The following EXT2 variants were observed in gnomAD, a reference collection of about 807,000 sequenced individuals.
The protein encoded by EXT2 is exostosin glycosyltransferase 2.
Under a neutral mutation model 81.6 loss-of-function variants are expected in EXT2, and 53 were observed. The observed-to-expected ratio is 0.65, with a 90% CI of 0.52 to 0.82. The LOEUF is 0.82. Ranked by LOEUF, EXT2 falls within the 40% of genes least tolerant of loss-of-function variation. EXT2 has a pLI of 0.00. For synonymous variants in EXT2, 320 were observed against 340.0 expected (o/e 0.94, Z 0.65); for missense variants, 774 against 910.2 (o/e 0.85, Z 1.93).
chr11:44,185,476 A>G (rs377406206), intron 8 of EXT2, among the ~76,000 whole-genome samples: 21 of 152,288 alleles, frequency 1.4e-4, no homozygotes, highest in African/African-American at 5.1e-4. Flanking sequence ...ACTCTGGTCC[A>G]TTCTTGTTTC....
At chr11:44,234,646 A>G (rs1955940521) in intron 12 of EXT2, among the ~76,000 whole-genome samples, 4 of 151,804 alleles carry the variant, frequency 2.6e-5, no homozygotes. Context: ...TCATACAGTT[A>G]TGTAACTGTA....
intron 8 of EXT2, among the ~76,000 whole-genome samples, chr11:44,185,360 T>C (rs1486979651): frequency 6.6e-6 from 1 of 152,244 alleles, no homozygotes; most frequent in Non-Finnish European, 1.5e-5. Context: ...CAGCTGTATA[T>C]TTAAAATAAT....
At chr11:44,115,512 G>C (rs996131416) in intron 4 of EXT2, among the ~76,000 whole-genome samples, 2 of 152,144 alleles carry the variant, frequency 1.3e-5, no homozygotes, top group African/African-American at 2.4e-5. Flanking sequence ...ATTTCCTGGT[G>C]AGAATCTCAG....
chr11:44,204,860 A>T (rs1955563947), intron 9 of EXT2, among the ~76,000 whole-genome samples: 1 of 151,992 alleles, frequency 6.6e-6, no homozygotes, highest in Non-Finnish European at 1.5e-5. Context: ...AAGTTTGAGG[A>T]TGACTGTTAT....
At chr11:44,139,736 T>A (rs2135054694) in intron 7 of EXT2, among the ~76,000 whole-genome samples, 1 of 152,260 alleles carries the variant, frequency 6.6e-6, no homozygotes, top group East Asian at 1.9e-4. Context: ...TAATGCCACG[T>A]TAAAACAGTG....
chr11:44,236,190 A>G (rs1197002450), intron 12 of EXT2, 103 bp from the exon 13 acceptor site: 4 of 1,009,428 alleles, frequency 4.0e-6, no homozygotes, highest in Non-Finnish European at 6.3e-6. Context: ...CGCGCATGCA[A>G]CATCTCAGCT....
chr11:44,096,063 G>C (rs1295631213), intron 1 of EXT2: 4 of 664,362 alleles, frequency 6.0e-6, no homozygotes, highest in Non-Finnish European at 1.1e-5. Context: ...TTCCACTCCT[G>C]CTTCTCCTTC....
chr11:44,236,216 T>C lies in EXT2; in HGVS notation c.1936-77T>C, dbSNP rs1955962860. 4 of 1,244,956 alleles carry C rather than the reference T, an allele frequency of 3.2e-6. No homozygotes were observed. The African/African-American group carries it at 4.4e-5, about 14-fold the overall frequency. The allele number at this position is 1,244,956 out of a possible 1,614,324, so 77.1% of individuals were successfully genotyped here. On this transcript the variant is annotated intron_variant, in intron 12 of 13. Coordinates refer to ENST00000533608, the MANE Select transcript of EXT2 (RefSeq NM_207122.2). Reference sequence around the variant, plus strand: ...CATCTCAGCTTACAACACAAAAGAATGCAGTGTGGTGTCACAAGCATGATT... The same window carrying C: ...CATCTCAGCTTACAACACAAAAGAACGCAGTGTGGTGTCACAAGCATGATT...
rs1488133814 is a variant in EXT2 at position 44,240,305 on chromosome 11, G to A, written c.2019-3844G>A. ...GAGGCAACCACTGGAAAAGCCAGGA[G>A]AGAACCAGGATATACAGTGCTCAGA... On this transcript the variant is annotated intron_variant, in intron 13 of 13. Coordinates refer to ENST00000533608, the MANE Select transcript of EXT2 (RefSeq NM_207122.2). Among the ~76,000 whole-genome samples, 4 of 152,340 alleles carry A rather than the reference G, an allele frequency of 2.6e-5. No individual in the cohort carries two copies. In the East Asian group the frequency reaches 7.7e-4, roughly 29 times the overall value.
chr11:44,138,642 TG>T (rs1364317113), intron 7 of EXT2, among the ~76,000 whole-genome samples: 1 of 152,062 alleles, frequency 6.6e-6, no homozygotes, highest in African/African-American at 2.4e-5. Flanking sequence ...AGTAGTGAGT[TG>T]TTGCATAAAA....
In EXT2 at chr11:44,126,720, C is replaced by T. The variant is rs965542630; in HGVS notation, c.940-96C>T. On this transcript the variant is annotated intron_variant, in intron 5 of 13. Transcript: ENST00000533608. Reference sequence around the variant, plus strand: ...GTCAAGATGCCTCAGTATTGCTTGGCGTCAACCCTTGTAGAAACTTTGTGG... The same window carrying T: ...GTCAAGATGCCTCAGTATTGCTTGGTGTCAACCCTTGTAGAAACTTTGTGG... 75 of 1,516,560 alleles carry T rather than the reference C, an allele frequency of 4.9e-5. No individual in the cohort carries two copies. In the South Asian group the frequency reaches 5.1e-4, roughly 10 times the overall value. 93.9% of individuals were successfully genotyped at this position (1,516,560 alleles called of 1,614,324 possible). A position where few individuals can be genotyped will look rare whatever the true frequency, so the allele number is the denominator to read the frequency against.
intron 4 of EXT2, among the ~76,000 whole-genome samples, chr11:44,123,522 C>T (rs193250110): frequency 5.3e-5 from 8 of 152,304 alleles, no homozygotes; most frequent in African/African-American, 1.9e-4. Context: ...TCAGCCTAAA[C>T]AGGTTGAGTA....
chr11:44,123,493 A>G (rs1954348999), intron 4 of EXT2, among the ~76,000 whole-genome samples: 1 of 152,114 alleles, frequency 6.6e-6, no homozygotes, highest in Non-Finnish European at 1.5e-5. Flanking sequence ...TCTCTTTGAC[A>G]CTGATTCCTT....
intron 6 of EXT2, 151 bp from the exon 7 acceptor site, chr11:44,129,894 G>A: frequency 1.4e-6 from 1 of 710,376 alleles, no homozygotes; most frequent in South Asian, 1.5e-5. Flanking sequence ...GTGAAGAAGG[G>A]AGGGGAAAGA....
intron 7 of EXT2, among the ~76,000 whole-genome samples, chr11:44,164,081 A>G (rs566747851): frequency 6.6e-6 from 1 of 151,682 alleles, no homozygotes; most frequent in African/African-American, 2.4e-5. Flanking sequence ...GATAATTTCT[A>G]TTGTTCTGTC....
At position 44,220,236 on chromosome 11, in the gene EXT2, C is replaced by T. The variant is rs142298664; in HGVS notation, c.1663-12117C>T. 1.7e-3 allele frequency among the ~76,000 whole-genome samples: 258 copies of T among 152,246 alleles called. 3 individuals are homozygous for T. Among genetic ancestry groups the T allele is most frequent in the African/African-American group, 6.0e-3 (248 of 41,550 alleles). On this transcript the variant is annotated intron_variant, in intron 10 of 13. Transcript: ENST00000533608. This position sits in a 1 kb window ranked among gnomAD's most constrained non-coding sequence, Gnocchi z 4.4. The stretch of plus-strand genomic sequence containing the variant: ...TACAGTGTAACTAGGACCAGTTTGC[C>T]AAAGTTGAGCTTTTAGAAAACCATA...
intron 10 of EXT2, among the ~76,000 whole-genome samples, chr11:44,208,837 C>T (rs1444523223): frequency 6.6e-6 from 1 of 152,190 alleles, no homozygotes; most frequent in Non-Finnish European, 1.5e-5. Context: ...ATTTTTCTGA[C>T]ACTGTGCTGC....
At chr11:44,214,832 A>G (rs747575330) in intron 10 of EXT2, among the ~76,000 whole-genome samples, 5 of 151,402 alleles carry the variant, frequency 3.3e-5, no homozygotes, top group African/African-American at 7.3e-5. Flanking sequence ...GCTAACTGTA[A>G]CTTCAAATTC....
Position 44,156,717 on chromosome 11 carries a change from A to C in EXT2, c.1174-14894A>C, listed in dbSNP as rs1395705182. On this transcript the variant is annotated intron_variant, in intron 7 of 13. Coordinates refer to ENST00000533608, the MANE Select transcript of EXT2 (RefSeq NM_207122.2). ...TGTCTCTGTCACTCCAGGATTGGTC[A>C]CTGATGACTTATTTAGTTCATTTGG... Among the ~76,000 whole-genome samples, 4 of 152,332 alleles carry C rather than the reference A, an allele frequency of 2.6e-5. No homozygotes were observed. In the East Asian group the frequency reaches 7.7e-4, roughly 29 times the overall value.
Sources: gnomAD v4.1 joint callset for allele counts (sites outside exome capture counted in the v4.1 genomes callset) on GRCh38, gnomAD v4.1.1 for gene constraint, Gnocchi (gnomAD v3.1) non-coding constraint, MANE v1.5 for transcripts, NCBI Gene and HGNC (gene_info 2026-07-23, HGNC 2026-07-21) for gene names.